The following NKAIN3 variants were observed in gnomAD, a reference collection of about 807,000 sequenced individuals.
NKAIN3 encodes the protein sodium/potassium transporting ATPase interacting 3.
Under a neutral mutation model 30.2 loss-of-function variants are expected in NKAIN3, and 25 were observed. That is an observed-to-expected ratio of 0.83 (90% CI 0.60 to 1.16). The LOEUF is 1.16. Among genes scored for constraint, NKAIN3 ranks in the 50% most tolerant of loss-of-function variants. NKAIN3 has a pLI of 0.00. For missense variants in NKAIN3, 225 were observed against 254.1 expected (o/e 0.89, Z 0.78); for synonymous variants, 91 against 89.6 (o/e 1.02, Z -0.09).
At chr8:62,509,853 T>C (rs1277704072) in intron 1 of NKAIN3, among the ~76,000 whole-genome samples, 1 of 152,150 alleles carries the variant, frequency 6.6e-6, no homozygotes, top group Non-Finnish European at 1.5e-5. Context: ...GCACCTATTA[T>C]AGGCAAAGCA....
chr8:62,409,190 T>G (rs988209522), intron 1 of NKAIN3, among the ~76,000 whole-genome samples: 1 of 152,176 alleles, frequency 6.6e-6, no homozygotes, highest in Non-Finnish European at 1.5e-5. Flanking sequence ...TTAACTTTTT[T>G]TTGTTGTTTT....
chr8:62,595,717 C>T lies in NKAIN3; in HGVS notation c.273+5923C>T, dbSNP rs867146238. Reference sequence around the variant, plus strand: ...AGTTGGCCTAGGAAATTGTTGGGGACGTTGGCCGACAACAACTCTAACTGC... The same window carrying T: ...AGTTGGCCTAGGAAATTGTTGGGGATGTTGGCCGACAACAACTCTAACTGC... On this transcript the variant is annotated intron_variant, in intron 3 of 6. Transcript: ENST00000623646. Among the ~76,000 whole-genome samples, 12 of 151,944 alleles carry T rather than the reference C, an allele frequency of 7.9e-5. No homozygotes were observed. In the East Asian group the frequency reaches 1.4e-3, roughly 17 times the overall value.
intron 1 of NKAIN3, among the ~76,000 whole-genome samples, chr8:62,443,506 C>G (rs929460227): frequency 6.6e-6 from 1 of 152,100 alleles, no homozygotes; most frequent in South Asian, 2.1e-4. Flanking sequence ...GCCTCAGCCT[C>G]CCGAGTAGCT....
At chr8:62,594,528 A>G (rs1483071943) in intron 3 of NKAIN3, among the ~76,000 whole-genome samples, 1 of 152,208 alleles carries the variant, frequency 6.6e-6, no homozygotes, top group East Asian at 1.9e-4. Flanking sequence ...AGCTATTTCC[A>G]GACATCCTCA....
intron 1 of NKAIN3, among the ~76,000 whole-genome samples, chr8:62,459,434 C>T (rs1805922062): frequency 6.6e-6 from 1 of 152,180 alleles, no homozygotes; most frequent in African/African-American, 2.4e-5. Flanking sequence ...TTATCACATA[C>T]TCAGTACATG....
chr8:62,746,706 A>C (rs977061716), intron 3 of NKAIN3, among the ~76,000 whole-genome samples: 8 of 152,222 alleles, frequency 5.3e-5, no homozygotes, highest in African/African-American at 9.6e-5. Context: ...TGCCCTTAAA[A>C]TGTTAATAGT....
chr8:62,819,755 C>T (rs943856223), intron 4 of NKAIN3, among the ~76,000 whole-genome samples: 9 of 151,970 alleles, frequency 5.9e-5, no homozygotes, highest in Admixed American at 1.3e-4. Flanking sequence ...GTGATTTTAT[C>T]GGCTCTGAAA....
intron 3 of NKAIN3, among the ~76,000 whole-genome samples, chr8:62,712,374 G>A (rs1814751345): frequency 6.6e-6 from 1 of 152,130 alleles, no homozygotes; most frequent in African/African-American, 2.4e-5. Flanking sequence ...TGGGGTAGGT[G>A]TGTCTGAGTT....
At chr8:62,414,208 T>C (rs1193759405) in intron 1 of NKAIN3, among the ~76,000 whole-genome samples, 11 of 152,176 alleles carry the variant, frequency 7.2e-5, no homozygotes, top group Non-Finnish European at 4.4e-5. Context: ...ATATTTACCA[T>C]AGATTGCTTT....
intron 1 of NKAIN3, among the ~76,000 whole-genome samples, chr8:62,336,403 C>T (rs982564236): frequency 6.6e-6 from 1 of 152,046 alleles, no homozygotes; most frequent in Non-Finnish European, 1.5e-5. Context: ...TCTGCCAGTA[C>T]AGAAAAAGTA....
intron 5 of NKAIN3, among the ~76,000 whole-genome samples, chr8:62,935,625 G>A (rs1218186372): frequency 6.6e-6 from 1 of 151,930 alleles, no homozygotes; most frequent in Non-Finnish European, 1.5e-5. Context: ...TTAATAAATA[G>A]GCTAAAAAAG....
At chr8:62,695,949 G>A (rs186942797) in intron 3 of NKAIN3, among the ~76,000 whole-genome samples, 42 of 152,184 alleles carry the variant, frequency 2.8e-4, no homozygotes, top group African/African-American at 1.0e-3. Flanking sequence ...CCAAATGAAG[G>A]AATTTTTTTA....
intron 3 of NKAIN3, among the ~76,000 whole-genome samples, chr8:62,603,404 A>C (rs1811038369): frequency 6.6e-6 from 1 of 152,178 alleles, no homozygotes; most frequent in Non-Finnish European, 1.5e-5. Context: ...GATGAGTATT[A>C]AGCTGAAGTG....
At chr8:62,253,760 G>C (rs924553634) in intron 1 of NKAIN3, among the ~76,000 whole-genome samples, 4 of 152,150 alleles carry the variant, frequency 2.6e-5, no homozygotes, top group South Asian at 2.1e-4. Context: ...GTGTCTGTAG[G>C]GGGGTGGTGT....
At chr8:62,320,535 C>T (rs1435460844) in intron 1 of NKAIN3, among the ~76,000 whole-genome samples, 3 of 152,064 alleles carry the variant, frequency 2.0e-5, no homozygotes, top group African/African-American at 7.2e-5. Context: ...CTGGTGGTGA[C>T]AAAATCTCTC....
Position 62,747,014 on chromosome 8 carries a change from T to G in NKAIN3, c.356T>G (p.Leu119Arg). The G allele has an allele frequency of 6.2e-7, 1 of 1,613,802 alleles. No homozygotes were observed. The highest frequency in any genetic ancestry group is 8.5e-7 in the Non-Finnish European group (1 of 1,179,702). ...GGGCCTGGTTGTGTCAGAAGAGTGC[T>G]GCCTCCCTCAGCCCATGGCATGATG... is the stretch of plus-strand genomic sequence containing the variant. ...EHGPGCVRRV[L>R]PPSAHGMMDD... Residue 119 changes from leucine to arginine, a missense_variant, in exon 4 of 7, where the codon CTG becomes CGG. Coordinates refer to ENST00000623646, the MANE Select transcript of NKAIN3 (RefSeq NM_001304533.3).
intron 3 of NKAIN3, among the ~76,000 whole-genome samples, chr8:62,624,517 G>GTT (rs56227547): frequency 2.5e-4 from 37 of 146,348 alleles, no homozygotes; most frequent in African/African-American, 4.2e-4. Context: ...CTTTATTTAG[G>GTT]TTTTTTTTTT....
chr8:62,840,476 C>T (rs1036749034), intron 4 of NKAIN3, among the ~76,000 whole-genome samples: 2 of 150,342 alleles, frequency 1.3e-5, no homozygotes, highest in African/African-American at 2.4e-5. Flanking sequence ...TCTTCTTGTT[C>T]CTGTCCTTTT....
intron 4 of NKAIN3, among the ~76,000 whole-genome samples, chr8:62,875,867 T>C (rs1184891792): frequency 6.6e-6 from 1 of 151,840 alleles, no homozygotes; most frequent in Non-Finnish European, 1.5e-5. Context: ...TTCAAAACCA[T>C]AAAAACCCTA....
Sources: gnomAD v4.1 joint callset for allele counts (sites outside exome capture counted in the v4.1 genomes callset) on GRCh38, gnomAD v4.1.1 for gene constraint, MANE v1.5 for transcripts, NCBI Gene and HGNC (gene_info 2026-07-23, HGNC 2026-07-21) for gene names.